The following KIZ variants were observed in gnomAD, a reference collection of about 807,000 sequenced individuals.
KIZ encodes the protein kizuna centrosomal protein.
KIZ carries 68 observed loss-of-function variants against 79.6 expected under a neutral mutation model. The observed-to-expected ratio is 0.85, with a 90% CI of 0.70 to 1.05. The LOEUF is 1.05. KIZ is among the 50% of genes least tolerant of loss of function. KIZ has a pLI of 0.00. For missense variants in KIZ, 797 were observed against 800.4 expected, an observed-to-expected ratio of 1.00 and a Z score of 0.05; for synonymous variants, 280 against 281.8, an observed-to-expected ratio of 0.99 and a Z score of 0.06.
intron 6 of KIZ, among the ~76,000 whole-genome samples, chr20:21,167,727 A>G (rs183412789): frequency 1.3e-5 from 2 of 151,514 alleles, no homozygotes; most frequent in African/African-American, 2.4e-5. Context: ...ACATCCAACT[A>G]ATTTTGTATT....
At chr20:21,164,713 CT>C (rs11475262) in intron 6 of KIZ, among the ~76,000 whole-genome samples, 85,960 of 147,946 alleles carry the variant, frequency 0.58, 26,140 homozygotes, top group South Asian at 0.78. Context: ...ATTCGAATGA[CT>C]TTTTTTTTTT....
chr20:21,154,752 C>T (rs999124720), intron 4 of KIZ, among the ~76,000 whole-genome samples: 3 of 152,196 alleles, frequency 2.0e-5, no homozygotes, highest in African/African-American at 7.2e-5. Flanking sequence ...TTCAGCTTCC[C>T]TGGCTCAGAA....
At chr20:21,127,622 C>T (rs2031565400) in intron 1 of KIZ, among the ~76,000 whole-genome samples, 1 of 152,178 alleles carries the variant, frequency 6.6e-6, no homozygotes, top group South Asian at 2.1e-4. Flanking sequence ...TAAGTCAGTA[C>T]AAATCTGTTG....
chr20:21,242,435 A>C (rs1473927562), intron 11 of KIZ, among the ~76,000 whole-genome samples: 1 of 152,030 alleles, frequency 6.6e-6, no homozygotes, highest in African/African-American at 2.4e-5. Context: ...GGACAAGATG[A>C]GTGTGTGTCA....
intron 6 of KIZ, among the ~76,000 whole-genome samples, chr20:21,182,511 T>C (rs2034695671): frequency 6.6e-6 from 1 of 151,976 alleles, no homozygotes; most frequent in Admixed American, 6.6e-5. Flanking sequence ...GACCAAATAG[T>C]AAGGCCAGGC....
At chr20:21,246,202 C>T (rs954627918) in intron 12 of KIZ, 10 of 411,244 alleles carry the variant, frequency 2.4e-5, no homozygotes, top group Non-Finnish European at 2.6e-5. Context: ...GACCTTAAAT[C>T]CCTATCCTAT....
chr20:21,236,314 T>C (rs2037004968), intron 11 of KIZ, among the ~76,000 whole-genome samples: 1 of 152,202 alleles, frequency 6.6e-6, no homozygotes, highest in Non-Finnish European at 1.5e-5. Context: ...GTCATTGGGA[T>C]TTTTTTCTTT....
At chr20:21,201,902 T>G (rs1283694414) in intron 6 of KIZ, among the ~76,000 whole-genome samples, 1 of 152,236 alleles carries the variant, frequency 6.6e-6, no homozygotes, top group Non-Finnish European at 1.5e-5. Context: ...GCCTGATCTA[T>G]CCCAAAAGAA....
chr20:21,187,985 G>A (rs568924273), intron 6 of KIZ, among the ~76,000 whole-genome samples: 27 of 152,326 alleles, frequency 1.8e-4, no homozygotes, highest in African/African-American at 6.3e-4. Flanking sequence ...CCAGAAGTAA[G>A]TTTCTCTCTG....
chr20:21,201,411 A>G (rs887583701), intron 6 of KIZ, among the ~76,000 whole-genome samples: 5 of 152,172 alleles, frequency 3.3e-5, no homozygotes, highest in Admixed American at 6.5e-5. Context: ...AGGTGCAACT[A>G]ATTCTCTATA....
chr20:21,126,066 G>A, upstream of KIZ: 1 of 1,407,234 alleles, frequency 7.1e-7, no homozygotes, highest in Middle Eastern at 2.0e-4. Context: ...CGGCAACCCC[G>A]GCCGAACGGC....
Position 21,162,459 on chromosome 20 carries a change from G to A in KIZ, c.994G>A (p.Glu332Lys), listed in dbSNP as rs1412753400. Reference sequence around the variant, plus strand: ...ACCAGTTTCAGAATACTGTGAATCTGAAAATAAGTGGTCTCAAGAGAAGCA... The same window carrying A: ...ACCAGTTTCAGAATACTGTGAATCTAAAAATAAGTGGTCTCAAGAGAAGCA... The part of the protein sequence containing the change: ...PIPVSEYCES[E>K]NKWSQEKHSP... The change falls in exon 5 of 13, where the codon GAA (glutamate) becomes AAA (lysine). Residue 332 changes from glutamate (E) to lysine (K), a missense_variant. Coordinates refer to ENST00000619189, the MANE Select transcript of KIZ (RefSeq NM_018474.6). 2 of 1,613,392 alleles carry A rather than the reference G, an allele frequency of 1.2e-6. No individual in the cohort carries two copies. The highest frequency in any genetic ancestry group is 2.7e-5 in the African/African-American group (2 of 74,918).
At chr20:21,216,528 C>T (rs1568986553) in intron 9 of KIZ, among the ~76,000 whole-genome samples, 2 of 152,124 alleles carry the variant, frequency 1.3e-5, no homozygotes, top group Non-Finnish European at 2.9e-5. Flanking sequence ...TATGGTAGAG[C>T]AGTTATTGTA....
chr20:21,183,367 G>A (rs181510804), intron 6 of KIZ, among the ~76,000 whole-genome samples: 1 of 152,338 alleles, frequency 6.6e-6, no homozygotes, highest in African/African-American at 2.4e-5. Context: ...TTTTAAGTTA[G>A]TGAATTTTAT....
chr20:21,129,694 T>C, intron 1 of KIZ, among the ~76,000 whole-genome samples: 1 of 151,922 alleles, frequency 6.6e-6, no homozygotes, highest in Non-Finnish European at 1.5e-5. Context: ...ATTGTGCCAT[T>C]GTACTCCAGC....
chr20:21,222,543 G>A (rs1161246156), intron 9 of KIZ, among the ~76,000 whole-genome samples: 1 of 152,174 alleles, frequency 6.6e-6, no homozygotes, highest in Non-Finnish European at 1.5e-5. Flanking sequence ...ATGAGGGGTT[G>A]GAGTGTATTA....
chr20:21,246,387 T>G (rs1269855517), intron 12 of KIZ, 92 bp from the exon 13 acceptor site: 10 of 767,578 alleles, frequency 1.3e-5, no homozygotes, highest in Non-Finnish European at 2.2e-5. Flanking sequence ...AGACTGACAC[T>G]CTGCTTAACC....
At chr20:21,228,972 A>T in intron 9 of KIZ, 39 bp from the exon 10 acceptor site, 1 of 1,175,210 alleles carries the variant, frequency 8.5e-7, no homozygotes, top group Non-Finnish European at 1.2e-6. Context: ...TCTGGCCAGT[A>T]AAAAATGTAA....
At chr20:21,210,904 C>T (rs1397241967) in intron 7 of KIZ, among the ~76,000 whole-genome samples, 1 of 151,944 alleles carries the variant, frequency 6.6e-6, no homozygotes, top group African/African-American at 2.4e-5. Flanking sequence ...TCATAATTTG[C>T]CAGCTCATGT....
Sources: allele counts gnomAD v4.1 joint callset (sites outside exome capture counted in the v4.1 genomes callset), GRCh38; gene constraint gnomAD v4.1.1; transcripts MANE v1.5; gene names NCBI Gene and HGNC (gene_info 2026-07-23, HGNC 2026-07-21).